NR1H4: variants seen among roughly 807,000 people sequenced by gnomAD.
NR1H4 encodes the protein nuclear receptor subfamily 1 group H member 4.
A neutral mutation model predicts 58.5 loss-of-function variants in NR1H4; 23 were observed. That is an observed-to-expected ratio of 0.39 (90% CI 0.28 to 0.56). The LOEUF (loss-of-function observed/expected upper bound fraction) is 0.56, where lower values mean the gene tolerates loss of function less well. Ranked by LOEUF, NR1H4 falls within the 20% of genes least tolerant of loss-of-function variation. The probability of loss-of-function intolerance (pLI) is 0.58; values close to 1 mark genes in which losing one functional copy is unlikely to be tolerated. For missense variants in NR1H4, 487 were observed against 576.9 expected, an observed-to-expected ratio of 0.84 and a Z score of 1.60; for synonymous variants, 214 against 198.0, an observed-to-expected ratio of 1.08 and a Z score of -0.68.
chr12:100,563,743 T>A lies in NR1H4; in HGVS notation c.*254T>A. 1 of 479,040 alleles carries A rather than the reference T, an allele frequency of 2.1e-6. No individual in the cohort carries two copies. The highest frequency in any genetic ancestry group is 3.7e-5 in the Admixed American group (1 of 27,074). The allele number at this position is 479,040 out of a possible 1,614,324, so 29.7% of individuals were successfully genotyped here. The stretch of plus-strand genomic sequence containing the variant: ...GCCCTGTTTGCCTAATTAAATTGAT[T>A]GTTACTTCAATTCTATCTGTTGAAC... On this transcript the variant is annotated 3_prime_UTR_variant, in exon 11 of 11. Coordinates refer to ENST00000392986, the MANE Select transcript of NR1H4 (RefSeq NM_001206979.2).
chr12:100,493,518 C>T (rs147420431), intron 3 of NR1H4, 116 bp downstream of exon 3: 1 of 675,660 alleles, frequency 1.5e-6, no homozygotes, highest in Non-Finnish European at 2.7e-6. Flanking sequence ...TTTGTTCCTT[C>T]CAAGTACTCA....
In NR1H4 at chr12:100,499,668, G is replaced by T. The variant is rs537045078; in HGVS notation, c.79+6266G>T. On this transcript the variant is annotated intron_variant, in intron 3 of 10. Transcript: ENST00000392986. ...AGTCTAGGCCTTAGCTCTCAACCCT[G>T]CAGGCTAAGAAACAGATTCTTAGGG... Among the ~76,000 whole-genome samples the T allele has an allele frequency of 7.2e-5, 11 of 152,256 alleles. No individual in the cohort carries two copies. The South Asian group carries it at 2.3e-3, about 32-fold the overall frequency.
intron 3 of NR1H4, among the ~76,000 whole-genome samples, chr12:100,507,785 G>A (rs939240543): frequency 2.0e-5 from 3 of 152,084 alleles, no homozygotes; most frequent in Admixed American, 1.3e-4. Context: ...ATATGGATAA[G>A]TCACACAGAA....
intron 9 of NR1H4, among the ~76,000 whole-genome samples, chr12:100,559,728 G>A (rs532258480): frequency 1.3e-3 from 197 of 152,302 alleles, no homozygotes; most frequent in Non-Finnish European, 2.3e-3. Flanking sequence ...GCTCCACGGC[G>A]CCCAGTCCCA....
intron 1 of NR1H4, among the ~76,000 whole-genome samples, chr12:100,478,715 G>T: frequency 6.6e-6 from 1 of 152,080 alleles, no homozygotes; most frequent in East Asian, 1.9e-4. Context: ...CCCTCTTTCT[G>T]CATTAGAGGC....
chr12:100,517,247 G>A (rs1437386825), intron 4 of NR1H4, among the ~76,000 whole-genome samples: 5 of 151,840 alleles, frequency 3.3e-5, no homozygotes, highest in South Asian at 2.1e-4. Context: ...TGAGAACAAC[G>A]TTTTAGATTC....
intron 4 of NR1H4, among the ~76,000 whole-genome samples, chr12:100,512,978 G>T (rs1349340197): frequency 6.6e-6 from 1 of 152,024 alleles, no homozygotes; most frequent in Non-Finnish European, 1.5e-5. Context: ...TTAAAAACTG[G>T]GTATGATATT....
intron 1 of NR1H4, among the ~76,000 whole-genome samples, chr12:100,476,238 C>T (rs1051576339): frequency 2.6e-5 from 4 of 151,994 alleles, no homozygotes; most frequent in African/African-American, 7.2e-5. Context: ...GATCGGGGAG[C>T]GGCGAGGGGG....
intron 3 of NR1H4, chr12:100,503,297 C>T: frequency 6.8e-7 from 1 of 1,459,930 alleles, no homozygotes; most frequent in Non-Finnish European, 9.1e-7. Context: ...ATATTCTGCT[C>T]CGTAATGAAG....
At chr12:100,475,706 A>C (rs1426067416) in intron 1 of NR1H4, among the ~76,000 whole-genome samples, 5 of 152,156 alleles carry the variant, frequency 3.3e-5, no homozygotes, top group Admixed American at 3.3e-4. Context: ...TCCTTCTCAC[A>C]AAAACCCTGT....
intron 1 of NR1H4, among the ~76,000 whole-genome samples, chr12:100,489,954 T>C (rs1188264105): frequency 6.6e-6 from 1 of 152,158 alleles, no homozygotes. Flanking sequence ...GGCATTCACA[T>C]GGTAGGTCTC....
At chr12:100,552,537 C>T (rs555879674) in intron 9 of NR1H4, among the ~76,000 whole-genome samples, 61 of 152,216 alleles carry the variant, frequency 4.0e-4, no homozygotes, top group South Asian at 8.3e-4. Context: ...TAAAGAACTA[C>T]GAAAACATAC....
intron 3 of NR1H4, among the ~76,000 whole-genome samples, chr12:100,500,567 T>G (rs561827544): frequency 5.9e-5 from 9 of 152,328 alleles, no homozygotes; most frequent in Admixed American, 3.3e-4. Context: ...CCTGATATGG[T>G]TGGGCTCTGT....
chr12:100,485,693 C>T (rs375157908), intron 1 of NR1H4, among the ~76,000 whole-genome samples: 2 of 151,884 alleles, frequency 1.3e-5, no homozygotes, highest in African/African-American at 2.4e-5. Flanking sequence ...TCACCACCCC[C>T]GGCTAATTTT....
intron 5 of NR1H4, among the ~76,000 whole-genome samples, chr12:100,533,031 CTAAA>C (rs1044401102): frequency 6.6e-6 from 1 of 152,106 alleles, no homozygotes; most frequent in Non-Finnish European, 1.5e-5. Context: ...TCTGAATTGT[CTAAA>C]TAGAGTTCTA....
In NR1H4 at chr12:100,489,164, T is replaced by A. The variant is rs1011459885; in HGVS notation, c.-189-3339T>A. Among the ~76,000 whole-genome samples, 5 of 152,318 alleles carry A rather than the reference T, an allele frequency of 3.3e-5. No homozygotes were observed. In the South Asian group the frequency reaches 1.0e-3, roughly 32 times the overall value. The stretch of plus-strand genomic sequence containing the variant: ...AAAGTTGCTAATCCCAGTAAGAAGC[T>A]GTTAAGAGGTAAAGAAAATCTGACT... On this transcript the variant is annotated intron_variant, in intron 1 of 10. Transcript: ENST00000392986.
chr12:100,548,630 G>A (rs1327935411), intron 9 of NR1H4, among the ~76,000 whole-genome samples: 2 of 152,044 alleles, frequency 1.3e-5, no homozygotes, highest in African/African-American at 4.8e-5. Flanking sequence ...TTTCCATTAG[G>A]ACCTGTATTT....
At chr12:100,558,040 TTTTTTGTTTTTG>T (rs1278263242) in intron 9 of NR1H4, among the ~76,000 whole-genome samples, 1 of 152,060 alleles carries the variant, frequency 6.6e-6, no homozygotes, top group East Asian at 1.9e-4. Flanking sequence ...GAAGTCTGTT[TTTTTTGTTTTTG>T]TTTTTGTTTT....
intron 6 of NR1H4, 130 bp from the exon 7 acceptor site, chr12:100,536,382 A>G (rs2065670830): frequency 1.5e-6 from 1 of 647,498 alleles, no homozygotes; most frequent in African/African-American, 1.8e-5. Flanking sequence ...TAGAACTCAT[A>G]GTTCCTGCTG....
Sources: allele counts gnomAD v4.1 joint callset (sites outside exome capture counted in the v4.1 genomes callset), GRCh38; gene constraint gnomAD v4.1.1; transcripts MANE v1.5; gene names NCBI Gene and HGNC (gene_info 2026-07-23, HGNC 2026-07-21).